Variants in SYNPO2 observed in about 807,000 individuals in gnomAD.
SYNPO2 encodes the protein synaptopodin 2.
Under a neutral mutation model 85.0 loss-of-function variants are expected in SYNPO2, and 56 were observed. The ratio of observed to expected loss-of-function variants is 0.66; its 90% confidence interval spans 0.53 to 0.82. The LOEUF (loss-of-function observed/expected upper bound fraction) is 0.82, where lower values mean the gene tolerates loss of function less well. Ranked by LOEUF, SYNPO2 falls within the 40% of genes least tolerant of loss-of-function variation. SYNPO2 has a pLI of 0.00. For missense variants in SYNPO2, 1,575 were observed against 1,534.2 expected (o/e 1.03, Z -0.44); for synonymous variants, 602 against 591.1 (o/e 1.02, Z -0.27).
At chr4:118,993,923 G>C (rs994287483) in intron 1 of SYNPO2, among the ~76,000 whole-genome samples, 1 of 152,192 alleles carries the variant, frequency 6.6e-6, no homozygotes, top group African/African-American at 2.4e-5. Flanking sequence ...GCTTTGCCTA[G>C]TCTTACCTAG....
At chr4:118,863,246 T>C (rs1731643505) in intron 1 of SYNPO2, among the ~76,000 whole-genome samples, 1 of 152,244 alleles carries the variant, frequency 6.6e-6, no homozygotes, top group Non-Finnish European at 1.5e-5. Flanking sequence ...ATTTGTCCTT[T>C]AAATGTTTGA....
chr4:119,040,542 TAA>T (rs1738676254), intron 4 of SYNPO2, among the ~76,000 whole-genome samples: 2 of 152,226 alleles, frequency 1.3e-5, no homozygotes, highest in Admixed American at 1.3e-4. Flanking sequence ...AATATTTTTA[TAA>T]AATAACATCA....
intron 1 of SYNPO2, among the ~76,000 whole-genome samples, chr4:118,877,349 A>G (rs948174839): frequency 6.6e-6 from 1 of 152,220 alleles, no homozygotes; most frequent in Non-Finnish European, 1.5e-5. Context: ...CAAAAACAGA[A>G]ATTGACAAAC....
At position 119,027,392 on chromosome 4, in the gene SYNPO2, G is replaced by A. The variant is rs770346664; in HGVS notation, c.1023G>A (p.Ser341=). The A allele has an allele frequency of 6.2e-6, 10 of 1,612,156 alleles. No individual in the cohort carries two copies. The highest frequency in any genetic ancestry group is 1.8e-4 in the Middle Eastern group (1 of 5,550). Residue 341 remains serine, a synonymous_variant, in exon 3 of 5, where the codon TCG becomes TCA. Coordinates refer to ENST00000307142, the MANE Select transcript of SYNPO2 (RefSeq NM_133477.3). ...CAGAGCAGGGAGAAGATCCACGCTC[G>A]GAAAAAGATCACAGCAGACCTCACA... is the stretch of plus-strand genomic sequence containing the variant. The part of the protein sequence containing the change: ...EGTEQGEDPR[S]EKDHSRPHKH...
intron 4 of SYNPO2, chr4:119,032,490 C>T: frequency 1.9e-6 from 2 of 1,030,774 alleles, no homozygotes; most frequent in Non-Finnish European, 2.3e-6. Flanking sequence ...AGTGCCTTAT[C>T]TCTATTACTA....
At chr4:119,001,339 T>C (rs2149173228) in intron 1 of SYNPO2, among the ~76,000 whole-genome samples, 1 of 152,362 alleles carries the variant, frequency 6.6e-6, no homozygotes, top group South Asian at 2.1e-4. Flanking sequence ...TATTTATATT[T>C]AGATACTGAC....
intron 1 of SYNPO2, among the ~76,000 whole-genome samples, chr4:118,903,509 G>A (rs984845108): frequency 6.6e-6 from 1 of 152,124 alleles, no homozygotes; most frequent in Admixed American, 6.5e-5. Context: ...GAGCACAAAA[G>A]CCAGATGGAA....
chr4:118,868,124 G>C (rs925060599), intron 1 of SYNPO2, among the ~76,000 whole-genome samples: 3 of 134,792 alleles, frequency 2.2e-5, no homozygotes, highest in Non-Finnish European at 4.7e-5. Context: ...ATTTTTTTGT[G>C]CAATGGTTCT....
chr4:118,953,669 A>G (rs976102700), intron 1 of SYNPO2, among the ~76,000 whole-genome samples: 3 of 152,046 alleles, frequency 2.0e-5, no homozygotes, highest in African/African-American at 4.8e-5. Context: ...ACTTTGTACC[A>G]TATGGAAATA....
intron 1 of SYNPO2, among the ~76,000 whole-genome samples, chr4:118,875,508 A>G (rs1414360930): frequency 1.3e-5 from 2 of 152,226 alleles, no homozygotes; most frequent in Admixed American, 6.5e-5. Context: ...TGTGCCCCAA[A>G]ACAGGAATTC....
chr4:119,027,474 A>C (rs769260378), intron 3 of SYNPO2, 36 bp downstream of exon 3: 2 of 1,490,104 alleles, frequency 1.3e-6, no homozygotes, highest in Admixed American at 4.4e-5. Context: ...GGGGCTTGGG[A>C]GTTGGGGGCA....
Position 118,889,152 on chromosome 4 carries a change from A to C in SYNPO2, c.105+11A>C, listed in dbSNP as rs1048975467. The C allele has an allele frequency of 6.2e-7, 1 of 1,613,084 alleles. No homozygotes were observed. Among genetic ancestry groups the C allele is most frequent in the African/African-American group, 1.3e-5 (1 of 74,998 alleles). On this transcript the variant is annotated intron_variant, in intron 1 of 4. Transcript: ENST00000307142. ...TTACAAGTTGCAAAGGTAGGACCTG[A>C]ACGAAGTGTCACGGCTCTGTGCTAG...
intron 1 of SYNPO2, among the ~76,000 whole-genome samples, chr4:118,982,212 C>T (rs945366445): frequency 5.9e-5 from 9 of 151,586 alleles, no homozygotes; most frequent in African/African-American, 2.2e-4. Context: ...GCGCTGTAAA[C>T]CATTTATATG....
Position 119,029,956 on chromosome 4 carries a change from T to C in SYNPO2, c.1181T>C (p.Val394Ala), listed in dbSNP as rs1361311908. ...GCTCCCAACCCCAACTCCAAGGGGG[T>C]GTTGATGTTTAAGAAGCGACGTCGG... ...TDAPNPNSKG[V>A]LMFKKRRRRA... Residue 394 changes from valine (V) to alanine (A), a missense_variant, in exon 4 of 5, where the codon GTG (valine) becomes GCG (alanine). Physicochemically the swap from Val to Ala is moderately conservative, Grantham distance 64 (BLOSUM62 0). Coordinates refer to ENST00000307142, the MANE Select transcript of SYNPO2 (RefSeq NM_133477.3). 5.0e-6 allele frequency: 8 copies of C among 1,611,440 alleles called. No homozygotes were observed. The Admixed American group carries it at 6.7e-5, about 13-fold the overall frequency.
chr4:118,972,315 G>T (rs1432700508), intron 1 of SYNPO2, among the ~76,000 whole-genome samples: 1 of 151,914 alleles, frequency 6.6e-6, no homozygotes, highest in Non-Finnish European at 1.5e-5. Context: ...GTAGTGGTGC[G>T]TGCCTGTAGT....
At chr4:119,044,015 T>C (rs1393191107) in intron 4 of SYNPO2, 3 of 146,734 alleles carry the variant, frequency 2.0e-5, no homozygotes, top group African/African-American at 7.6e-5. Context: ...ATGGGCAAAA[T>C]TAAGTATTTG....
intron 1 of SYNPO2, 85 bp from the exon 2 acceptor site, chr4:119,023,344 GT>G (rs1737812432): frequency 4.9e-6 from 7 of 1,416,154 alleles, no homozygotes; most frequent in Non-Finnish European, 6.6e-6. Context: ...TGGTGTTACT[GT>G]TGACAGATTT....
intron 1 of SYNPO2, among the ~76,000 whole-genome samples, chr4:118,881,997 GATCT>G (rs1272533303): frequency 6.6e-6 from 1 of 152,214 alleles, no homozygotes; most frequent in African/African-American, 2.4e-5. Flanking sequence ...TCCTGTTGAT[GATCT>G]ATCTGGCACT....
At chr4:118,876,624 CTCT>C (rs1731912821) in intron 1 of SYNPO2, among the ~76,000 whole-genome samples, 1 of 150,814 alleles carries the variant, frequency 6.6e-6, no homozygotes, top group Admixed American at 6.6e-5. Flanking sequence ...TCCTTCTTTT[CTCT>C]TTTCTTTCTT....
Sources: allele counts gnomAD v4.1 joint callset (sites outside exome capture counted in the v4.1 genomes callset), GRCh38; gene constraint gnomAD v4.1.1; transcripts MANE v1.5; gene names NCBI Gene and HGNC (gene_info 2026-07-23, HGNC 2026-07-21).